Variants in TCERG1L observed in about 807,000 individuals in gnomAD.
TCERG1L encodes the protein transcription elongation regulator 1-like protein.
Under a neutral mutation model 56.3 loss-of-function variants are expected in TCERG1L, and 37 were observed. The observed-to-expected ratio is 0.66, with a 90% CI of 0.51 to 0.87. TCERG1L has a LOEUF of 0.87. Ranked by LOEUF, TCERG1L falls within the 40% of genes least tolerant of loss-of-function variation. The pLI, the probability that TCERG1L is intolerant of heterozygous loss-of-function variation, is 0.00. For missense variants in TCERG1L, 799 were observed against 774.2 expected, an observed-to-expected ratio of 1.03 and a Z score of -0.38; for synonymous variants, 324 against 326.3, an observed-to-expected ratio of 0.99 and a Z score of 0.08.
chr10:131,281,736 G>A (rs2133563036), intron 3 of TCERG1L, among the ~76,000 whole-genome samples: 1 of 146,294 alleles, frequency 6.8e-6, no homozygotes, highest in South Asian at 2.1e-4. Flanking sequence ...TTCTTTAAAA[G>A]GACCCCTACC....
In TCERG1L at chr10:131,311,217, A is replaced by AGAGCC. The variant is rs1846890732; in HGVS notation, c.342+72_342+76dup. ...GAGGAGGGCGCGCGAGCCGGAGGCC[A>AGAGCC]GAGCCGGGCCGGGCAGGGCGCGCCC... On this transcript the variant is annotated intron_variant, in intron 1 of 11. Coordinates refer to ENST00000368642, the MANE Select transcript of TCERG1L (RefSeq NM_174937.4). The surrounding 1 kb of genome is among the most constrained non-coding windows in gnomAD (Gnocchi z 4.0). 9.0e-7 allele frequency: 1 copy of AGAGCC among 1,107,692 alleles called. No homozygotes were observed. The highest frequency in any genetic ancestry group is 4.4e-5 in the South Asian group (1 of 22,652). 68.6% of individuals were successfully genotyped at this position (1,107,692 alleles called of 1,614,324 possible). A position where few individuals can be genotyped will look rare whatever the true frequency, so the allele number is the denominator to read the frequency against.
chr10:131,163,972 A>G, intron 5 of TCERG1L: 1 of 152,120 alleles, frequency 6.6e-6, no homozygotes, highest in South Asian at 2.1e-4. Context: ...TACTAAAAAT[A>G]CAAAAATTAG....
At position 131,201,000 on chromosome 10, in the gene TCERG1L, G is replaced by A. The variant is rs74160868; in HGVS notation, c.857-34115C>T. On this transcript the variant is annotated intron_variant, in intron 4 of 11. Transcript: ENST00000368642. ...GGACACAGCCTCCCTCCCCTCGGGC[G>A]GATACAGAATCACGGCGCCATCTTG... Among the ~76,000 whole-genome samples the A allele has an allele frequency of 4.3e-3, 656 of 152,234 alleles. 7 individuals are homozygous for A. Among genetic ancestry groups the A allele is most frequent in the African/African-American group, 0.013 (542 of 41,534 alleles).
At position 131,174,409 on chromosome 10, in the gene TCERG1L, C is replaced by T. The variant is rs972466755; in HGVS notation, c.857-7524G>A. Reference sequence around the variant, plus strand: ...GGCCCTGCTCAGTAGGCCAGGAGGACGCCAGCTGGCTGGGCTGCTGTGCGG... The same window carrying T: ...GGCCCTGCTCAGTAGGCCAGGAGGATGCCAGCTGGCTGGGCTGCTGTGCGG... On this transcript the variant is annotated intron_variant, in intron 4 of 11. Transcript: ENST00000368642. Among the ~76,000 whole-genome samples the T allele has an allele frequency of 5.9e-5, 9 of 152,238 alleles. No homozygotes were observed. In the South Asian group the frequency reaches 6.2e-4, roughly 11 times the overall value.
chr10:131,128,393 A>G (rs1201125262), intron 8 of TCERG1L, among the ~76,000 whole-genome samples: 2 of 152,246 alleles, frequency 1.3e-5, no homozygotes, highest in South Asian at 2.1e-4. Flanking sequence ...ATGCCCTTAC[A>G]GAAGAAAGGC....
intron 4 of TCERG1L, among the ~76,000 whole-genome samples, chr10:131,255,097 G>T (rs561994580): frequency 2.0e-4 from 30 of 152,338 alleles, no homozygotes; most frequent in Admixed American, 1.1e-3. Flanking sequence ...CCAGCAGGGT[G>T]TGGTTTCAGA....
intron 9 of TCERG1L, among the ~76,000 whole-genome samples, chr10:131,111,993 C>T (rs1845417522): frequency 7.0e-6 from 1 of 142,588 alleles, no homozygotes; most frequent in South Asian, 2.6e-4. Context: ...TGTCAGGACC[C>T]TCCCTCCCTT....
chr10:131,310,751 G>C (rs897318374), intron 1 of TCERG1L, among the ~76,000 whole-genome samples: 1 of 152,178 alleles, frequency 6.6e-6, no homozygotes, highest in Non-Finnish European at 1.5e-5. Context: ...CCTCAGTACC[G>C]AAGGCAGGAT....
At chr10:131,154,542 C>T (rs1015587005) in intron 6 of TCERG1L, among the ~76,000 whole-genome samples, 4 of 152,238 alleles carry the variant, frequency 2.6e-5, no homozygotes, top group Non-Finnish European at 4.4e-5. Context: ...TGCCCTTTGC[C>T]GTCTTCTCTC....
At chr10:131,197,472 A>G (rs1376558856) in intron 4 of TCERG1L, among the ~76,000 whole-genome samples, 5 of 151,210 alleles carry the variant, frequency 3.3e-5, no homozygotes, top group South Asian at 2.1e-4. Flanking sequence ...GGCATGAGCC[A>G]CCACACCTGG....
intron 4 of TCERG1L, among the ~76,000 whole-genome samples, chr10:131,256,486 GCTCTACCAGAGACCAAAAGTA>G (rs1846165449): frequency 6.6e-6 from 1 of 152,188 alleles, no homozygotes; most frequent in Non-Finnish European, 1.5e-5. Context: ...GTAGTTACCT[GCTCTACCAGAGACCAAAAGTA>G]CTCACTCATA....
At chr10:131,177,011 C>G (rs1036511343) in intron 4 of TCERG1L, among the ~76,000 whole-genome samples, 4 of 146,424 alleles carry the variant, frequency 2.7e-5, no homozygotes, top group African/African-American at 9.8e-5. Flanking sequence ...CAGACACATG[C>G]ACACACAGAT....
chr10:131,136,968 C>T lies in TCERG1L; in HGVS notation c.1190-2520G>A, dbSNP rs1331202155. Among the ~76,000 whole-genome samples, 5 of 151,580 alleles carry T rather than the reference C, an allele frequency of 3.3e-5. No individual in the cohort carries two copies. In the East Asian group the frequency reaches 6.1e-4, roughly 18 times the overall value. ...CAGCCTGGCCAACATGGTGAAACCT[C>T]GTTTCTACTAAAAATATAAAAATTA... is the stretch of plus-strand genomic sequence containing the variant. On this transcript the variant is annotated intron_variant, in intron 7 of 11. Transcript: ENST00000368642.
chr10:131,122,743 T>C (rs772120497), intron 8 of TCERG1L, among the ~76,000 whole-genome samples: 59 of 152,216 alleles, frequency 3.9e-4, no homozygotes, highest in Non-Finnish European at 6.5e-4. Flanking sequence ...AGCTCCATAA[T>C]TTGTAACCAA....
At chr10:131,107,107 G>T (rs1351964300) in intron 9 of TCERG1L, among the ~76,000 whole-genome samples, 2 of 151,946 alleles carry the variant, frequency 1.3e-5, no homozygotes, top group Admixed American at 6.5e-5. Context: ...TCTCCAAGCA[G>T]AATGGATCCC....
At position 131,146,711 on chromosome 10, in the gene TCERG1L, GAA is replaced by G. The variant is rs532688430; in HGVS notation, c.1035-53_1035-52del. 6.3e-5 allele frequency: 98 copies of G among 1,555,662 alleles called. No individual in the cohort carries two copies. The East Asian group carries it at 2.2e-3, about 35-fold the overall frequency. ...AGTCGCTCTCGGAGACACTTAATTA[GAA>G]AGTCGTTAGCATGAACTCTCACTGA... On this transcript the variant is annotated intron_variant, in intron 6 of 11. Transcript: ENST00000368642.
chr10:131,214,060 ACG>A (rs1369729869), intron 4 of TCERG1L, among the ~76,000 whole-genome samples: 1 of 144,638 alleles, frequency 6.9e-6, no homozygotes, highest in Non-Finnish European at 1.5e-5. Flanking sequence ...GCACACACAC[ACG>A]CACAACAGTT....
At chr10:131,257,189 G>A (rs1442636769) in intron 4 of TCERG1L, among the ~76,000 whole-genome samples, 2 of 152,192 alleles carry the variant, frequency 1.3e-5, no homozygotes, top group Admixed American at 6.5e-5. Context: ...GGCAGGGCGG[G>A]GATGGAAAGA....
At chr10:131,270,140 A>G (rs1476988575) in intron 3 of TCERG1L, among the ~76,000 whole-genome samples, 1 of 152,192 alleles carries the variant, frequency 6.6e-6, no homozygotes, top group Non-Finnish European at 1.5e-5. Flanking sequence ...ACATTTATGA[A>G]GCCAGATGGC....
Sources: gnomAD v4.1 joint callset for allele counts (sites outside exome capture counted in the v4.1 genomes callset) on GRCh38, gnomAD v4.1.1 for gene constraint, Gnocchi (gnomAD v3.1) non-coding constraint, MANE v1.5 for transcripts, NCBI Gene and HGNC (gene_info 2026-07-23, HGNC 2026-07-21) for gene names.